Variants in ITGAL observed in about 807,000 individuals in gnomAD.
ITGAL encodes integrin alpha-L.
A neutral mutation model predicts 138.4 loss-of-function variants in ITGAL; 68 were observed. The observed-to-expected ratio is 0.49, with a 90% CI of 0.40 to 0.60. ITGAL has a LOEUF of 0.60. Ranked by LOEUF, ITGAL falls within the 20% of genes least tolerant of loss-of-function variation. The pLI, the probability that ITGAL is intolerant of heterozygous loss-of-function variation, is 0.00. For missense variants in ITGAL, 1,256 were observed against 1,478.6 expected (o/e 0.85, Z 2.47); for synonymous variants, 561 against 584.3 (o/e 0.96, Z 0.57).
Position 30,517,010 on chromosome 16 carries a change from C to T in ITGAL, c.2900C>T (p.Pro967Leu). Reference sequence around the variant, plus strand: ...CCTTCCATCCACGACCACAACATACCCACCCTGGAGGCTGTGGTTGGGGTG... The same window carrying T: ...CCTTCCATCCACGACCACAACATACTCACCCTGGAGGCTGTGGTTGGGGTG... ...IQPSIHDHNI[P>L]TLEAVVGVPQ... The change falls in exon 26 of 31, where the codon CCC (proline) becomes CTC (leucine). Residue 967 changes from proline (P) to leucine (L), a missense_variant. Physicochemically the swap from Pro to Leu is moderately conservative, Grantham distance 98. Transcript: ENST00000356798. The T allele has an allele frequency of 6.2e-7, 1 of 1,613,824 alleles. No homozygotes were observed. The highest frequency in any genetic ancestry group is 1.6e-4 in the Middle Eastern group (1 of 6,062).
intron 27 of ITGAL, 21 bp downstream of exon 27, chr16:30,517,726 A>T (rs780469459): frequency 6.2e-7 from 1 of 1,613,732 alleles, no homozygotes; most frequent in Non-Finnish European, 8.5e-7. Flanking sequence ...GTGAGCTGAG[A>T]GACGGTGGGG....
At chr16:30,478,447 C>T (rs2050503993) in intron 4 of ITGAL, among the ~76,000 whole-genome samples, 1 of 151,304 alleles carries the variant, frequency 6.6e-6, no homozygotes, top group African/African-American at 2.4e-5. Context: ...GCCTGTAATC[C>T]CAGCACTTTG....
intron 25 of ITGAL, among the ~76,000 whole-genome samples, chr16:30,516,264 C>G (rs907746452): frequency 3.5e-4 from 53 of 150,502 alleles, no homozygotes; most frequent in African/African-American, 1.2e-3. Flanking sequence ...GAGTCTCACT[C>G]TGTCGCCCAG....
intron 9 of ITGAL, chr16:30,488,789 GTTGCTTGAGC>G: frequency 2.4e-6 from 1 of 416,926 alleles, no homozygotes; most frequent in Admixed American, 3.5e-5. Flanking sequence ...AGCCCGGAGG[GTTGCTTGAGC>G]TTGGGTGGTT....
rs372057629 is a variant in ITGAL at position 30,484,063 on chromosome 16, T to C, written c.856-50T>C. On this transcript the variant is annotated intron_variant, in intron 8 of 30. Transcript: ENST00000356798. The stretch of plus-strand genomic sequence containing the variant: ...GACTCTTGTGAAAATAATAGCAAAC[T>C]GGACTGAGGTTTGGGGGATTTCAGC... 147 of 1,597,540 alleles carry C rather than the reference T, an allele frequency of 9.2e-5. 1 individual carries two copies. Among genetic ancestry groups the C allele is most frequent in the Middle Eastern group, 8.3e-4 (5 of 6,002 alleles).
intron 8 of ITGAL, 57 bp downstream of exon 8, chr16:30,484,016 A>T: frequency 6.3e-7 from 1 of 1,597,122 alleles, no homozygotes; most frequent in Admixed American, 1.7e-5. Context: ...CTGAACCCCA[A>T]GCCCCTTTCT....
chr16:30,510,658 C>G (rs982819762), intron 22 of ITGAL, among the ~76,000 whole-genome samples, 187 bp downstream of exon 22: 2 of 152,090 alleles, frequency 1.3e-5, no homozygotes, highest in African/African-American at 4.8e-5. Flanking sequence ...TAGAATCAGG[C>G]AAAGCTGGGA....
chr16:30,486,082 T>C (rs1352903294), intron 9 of ITGAL, among the ~76,000 whole-genome samples: 1 of 152,160 alleles, frequency 6.6e-6, no homozygotes, highest in East Asian at 1.9e-4. Flanking sequence ...ATTTATATTG[T>C]GGTCACCAGA....
At chr16:30,504,700 C>A (rs2050957052) in intron 18 of ITGAL, among the ~76,000 whole-genome samples, 1 of 148,658 alleles carries the variant, frequency 6.7e-6, no homozygotes. Flanking sequence ...AGCACGAAAC[C>A]CTGTCTCTAA....
In ITGAL at chr16:30,511,174, C is replaced by T. The variant is rs367720618; in HGVS notation, c.2786+38C>T. ...CAGCAGACAGCCAACCCTCTCCTCC[C>T]ACCGCAGCCTCCCAACCCAGGGCCC... On this transcript the variant is annotated intron_variant, in intron 24 of 30. Transcript: ENST00000356798. 3.9e-6 allele frequency: 6 copies of T among 1,519,328 alleles called. No homozygotes were observed. The African/African-American group carries it at 8.2e-5, about 21-fold the overall frequency. 94.1% of individuals were successfully genotyped at this position (1,519,328 alleles called of 1,614,324 possible).
Position 30,521,440 on chromosome 16 carries a change from G to A in ITGAL, c.3340-52G>A, listed in dbSNP as rs1027207268. The A allele has an allele frequency of 4.5e-6, 7 of 1,550,120 alleles. No homozygotes were observed. The Admixed American group carries it at 7.4e-5, about 16-fold the overall frequency. ...AAAAAGTGTTCTCACATTTTCTTGG[G>A]GCCAAAGTGCTCAGTGAATTCTTTG... On this transcript the variant is annotated intron_variant, in intron 30 of 30. Coordinates refer to ENST00000356798, the MANE Select transcript of ITGAL (RefSeq NM_002209.3).
chr16:30,480,094 G>A (rs1309071060), intron 6 of ITGAL, among the ~76,000 whole-genome samples: 1 of 151,836 alleles, frequency 6.6e-6, no homozygotes, highest in African/African-American at 2.4e-5. Context: ...ACTGTGCGTG[G>A]CTAATTTTTA....
At chr16:30,513,922 C>T in intron 25 of ITGAL, 76 bp downstream of exon 25, 1 of 1,058,738 alleles carries the variant, frequency 9.4e-7, no homozygotes, top group Non-Finnish European at 1.5e-6. Context: ...ATGCAGGCAC[C>T]AAGTAGACAC....
chr16:30,507,235 G>A (rs559583803), intron 21 of ITGAL, among the ~76,000 whole-genome samples: 4 of 152,064 alleles, frequency 2.6e-5, no homozygotes, highest in South Asian at 2.1e-4. Context: ...CGAGGCGGGC[G>A]GATCACGAGG....
intron 4 of ITGAL, among the ~76,000 whole-genome samples, chr16:30,475,984 C>T (rs1186194068): frequency 6.6e-6 from 1 of 151,830 alleles, no homozygotes; most frequent in African/African-American, 2.4e-5. Flanking sequence ...GCTCAAGAAT[C>T]CTCCTGCCTC....
intron 25 of ITGAL, among the ~76,000 whole-genome samples, chr16:30,516,084 T>A (rs1183156301): frequency 2.0e-5 from 3 of 152,228 alleles, no homozygotes; most frequent in African/African-American, 7.2e-5. Context: ...GTTCGTTGAA[T>A]GAATAAATGA....
intron 9 of ITGAL, among the ~76,000 whole-genome samples, chr16:30,488,042 T>C (rs1349255533): frequency 3.3e-5 from 5 of 151,902 alleles, no homozygotes; most frequent in Non-Finnish European, 7.4e-5. Context: ...AAGGAGAAGC[T>C]ATATAAGCCA....
intron 18 of ITGAL, chr16:30,505,018 T>TAA (rs5816509): frequency 0.018 from 4,389 of 248,398 alleles, 7 homozygotes; most frequent in South Asian, 0.039. Flanking sequence ...AAGACAGTCT[T>TAA]AAAAAAAAAA....
At chr16:30,516,905 C>T in intron 25 of ITGAL, 68 bp from the exon 26 acceptor site, 1 of 1,111,720 alleles carries the variant, frequency 9.0e-7, no homozygotes, top group Non-Finnish European at 1.4e-6. Context: ...TGCAAGGGCA[C>T]ACAGGGTCTG....
Sources: gnomAD v4.1 joint callset for allele counts (sites outside exome capture counted in the v4.1 genomes callset) on GRCh38, gnomAD v4.1.1 for gene constraint, MANE v1.5 for transcripts, NCBI Gene and HGNC (gene_info 2026-07-23, HGNC 2026-07-21) for gene names.